Variants in BACH2 observed in about 807,000 individuals in gnomAD.
BACH2 encodes transcription regulator protein BACH2.
Under a neutral mutation model 61.8 loss-of-function variants are expected in BACH2, and 5 were observed. The ratio of observed to expected loss-of-function variants is 0.08; its 90% CI spans 0.04 to 0.17. The LOEUF is 0.17. BACH2 is among the 10% of genes least tolerant of loss of function. BACH2 has a pLI of 1.00. For missense variants in BACH2, 824 were observed against 1,091.1 expected (o/e 0.76, Z 3.45); for synonymous variants, 446 against 440.1 (o/e 1.01, Z -0.17).
At chr6:90,113,579 G>A (rs575088382) in intron 4 of BACH2, among the ~76,000 whole-genome samples, 21 of 152,186 alleles carry the variant, frequency 1.4e-4, no homozygotes, top group African/African-American at 4.8e-4. Context: ...CTGGGACACA[G>A]CTAAGGCAGT....
intron 3 of BACH2, among the ~76,000 whole-genome samples, chr6:90,215,358 C>T (rs993818730): frequency 1.3e-5 from 2 of 152,124 alleles, no homozygotes; most frequent in Non-Finnish European, 2.9e-5. Flanking sequence ...CTTCTTGCCC[C>T]CCTTTCACAA....
chr6:90,032,036 C>T (rs934092842), intron 5 of BACH2, among the ~76,000 whole-genome samples: 6 of 152,226 alleles, frequency 3.9e-5, no homozygotes, highest in African/African-American at 1.4e-4. Flanking sequence ...GAACAGAGTC[C>T]TCAGAAATAA....
chr6:89,990,008 T>C (rs1431555103), intron 6 of BACH2, among the ~76,000 whole-genome samples: 1 of 152,124 alleles, frequency 6.6e-6, no homozygotes, highest in Non-Finnish European at 1.5e-5. Context: ...GTCAGAGGGA[T>C]CACTGGCAAA....
At chr6:90,025,818 G>A (rs1778605586) in intron 5 of BACH2, among the ~76,000 whole-genome samples, 1 of 152,214 alleles carries the variant, frequency 6.6e-6, no homozygotes, top group Non-Finnish European at 1.5e-5. Context: ...TCTTCAGTCT[G>A]CCTGGATTCT....
At chr6:90,004,074 C>T (rs1562361158) in intron 6 of BACH2, among the ~76,000 whole-genome samples, 1 of 152,188 alleles carries the variant, frequency 6.6e-6, no homozygotes, top group Non-Finnish European at 1.5e-5. Flanking sequence ...GAACCTAAAC[C>T]ATCCCAGAGA....
intron 5 of BACH2, among the ~76,000 whole-genome samples, chr6:90,055,270 G>C (rs1031258140): frequency 2.6e-5 from 4 of 152,106 alleles, no homozygotes; most frequent in African/African-American, 9.7e-5. Flanking sequence ...ATGCAGAGAA[G>C]TCCGTAAAGG....
chr6:90,197,564 G>C (rs1465740179), intron 4 of BACH2, among the ~76,000 whole-genome samples: 1 of 152,174 alleles, frequency 6.6e-6, no homozygotes. Context: ...GATTCATAAA[G>C]GTCAGAATCC....
chr6:90,010,324 C>A (rs1777640641), intron 5 of BACH2, among the ~76,000 whole-genome samples: 1 of 152,154 alleles, frequency 6.6e-6, no homozygotes, highest in Non-Finnish European at 1.5e-5. Context: ...CTTGCATTTT[C>A]TAGAGTTTCA....
intron 5 of BACH2, among the ~76,000 whole-genome samples, chr6:90,033,891 A>T (rs1323648901): frequency 6.6e-6 from 1 of 152,194 alleles, no homozygotes; most frequent in Non-Finnish European, 1.5e-5. Context: ...TAGGTTGCAA[A>T]TGATACCAAA....
At chr6:90,142,095 T>C (rs1784480699) in intron 4 of BACH2, among the ~76,000 whole-genome samples, 2 of 152,182 alleles carry the variant, frequency 1.3e-5, no homozygotes, top group South Asian at 4.1e-4. Flanking sequence ...AAAATTTTTT[T>C]TTAATTCAAA....
chr6:90,174,875 T>C (rs1019244114), intron 4 of BACH2, among the ~76,000 whole-genome samples: 5 of 151,204 alleles, frequency 3.3e-5, no homozygotes, highest in Non-Finnish European at 4.4e-5. Flanking sequence ...TTGGGATATA[T>C]ATATGGTAAA....
chr6:90,268,532 A>C (rs1316044754), intron 2 of BACH2, among the ~76,000 whole-genome samples: 1 of 152,212 alleles, frequency 6.6e-6, no homozygotes, highest in African/African-American at 2.4e-5. Flanking sequence ...AGCTTGCCAG[A>C]GTAATTTTAT....
chr6:90,122,807 G>A (rs1324964984), intron 4 of BACH2, among the ~76,000 whole-genome samples: 1 of 152,220 alleles, frequency 6.6e-6, no homozygotes. Flanking sequence ...GAGCTTCACA[G>A]GGCAGACACA....
At chr6:90,157,636 T>A (rs534898193) in intron 4 of BACH2, among the ~76,000 whole-genome samples, 1 of 152,244 alleles carries the variant, frequency 6.6e-6, no homozygotes, top group African/African-American at 2.4e-5. Context: ...GACCAGATCT[T>A]GTATATCTAA....
intron 6 of BACH2, among the ~76,000 whole-genome samples, chr6:89,985,223 AG>A (rs1478269781): frequency 6.6e-6 from 1 of 152,224 alleles, no homozygotes; most frequent in Non-Finnish European, 1.5e-5. Flanking sequence ...ATTAATGTTT[AG>A]GAGAGCACAG....
chr6:90,295,651 T>C (rs2127896474), intron 1 of BACH2, among the ~76,000 whole-genome samples: 1 of 130,414 alleles, frequency 7.7e-6, no homozygotes, highest in African/African-American at 3.4e-5. Context: ...GACTGGAGTG[T>C]AGGGTGTGTG....
intron 5 of BACH2, 134 bp downstream of exon 5, chr6:90,088,827 C>T (rs1026783801): frequency 7.9e-5 from 12 of 152,126 alleles, no homozygotes; most frequent in Admixed American, 7.2e-4. Flanking sequence ...CCAACCTTTG[C>T]TCAATGATAA....
chr6:89,986,653 T>C (rs890609178), intron 6 of BACH2, among the ~76,000 whole-genome samples: 1 of 152,232 alleles, frequency 6.6e-6, no homozygotes. Context: ...TCTGATGCTC[T>C]TGGTGAGTAA....
intron 4 of BACH2, among the ~76,000 whole-genome samples, chr6:90,150,785 G>GT (rs1784787100): frequency 6.6e-6 from 1 of 152,194 alleles, no homozygotes; most frequent in Non-Finnish European, 1.5e-5. Context: ...CACCATGCAT[G>GT]GTCAATGGCT....
Sources: allele counts gnomAD v4.1 joint callset (sites outside exome capture counted in the v4.1 genomes callset), GRCh38; gene constraint gnomAD v4.1.1; transcripts MANE v1.5; gene names NCBI Gene and HGNC (gene_info 2026-07-23, HGNC 2026-07-21).